The following LOC128706666 variants were observed in gnomAD, a reference collection of about 807,000 sequenced individuals.
chr20:10,414,617 A>T, the LOC128706666 span, among the ~76,000 whole-genome samples: 1 of 152,170 alleles, frequency 6.6e-6, no homozygotes, highest in South Asian at 2.1e-4. Context: ...CAACATGAAG[A>T]TTTAATATTA....
At chr20:10,428,836 T>A in the LOC128706666 span, among the ~76,000 whole-genome samples, 1 of 99,632 alleles carries the variant, frequency 1.0e-5, no homozygotes, top group Non-Finnish European at 2.3e-5. Flanking sequence ...AGAGCAAGAC[T>A]CCGTCTCAAT....
chr20:10,423,961 C>T, the LOC128706666 span, among the ~76,000 whole-genome samples: 2 of 151,696 alleles, frequency 1.3e-5, no homozygotes, highest in African/African-American at 2.4e-5. Flanking sequence ...CTCAAATTCT[C>T]CATATCTCAT....
At chr20:10,427,349 G>A in the LOC128706666 span, among the ~76,000 whole-genome samples, 4 of 152,084 alleles carry the variant, frequency 2.6e-5, no homozygotes, top group Non-Finnish European at 5.9e-5. Flanking sequence ...AATTGCTGTT[G>A]TGATTTGAAA....
chr20:10,414,474 A>C, the LOC128706666 span, among the ~76,000 whole-genome samples: 4 of 152,046 alleles, frequency 2.6e-5, no homozygotes, highest in African/African-American at 9.7e-5. Context: ...CATGTTTGCC[A>C]GGTTGGTCTC....
the LOC128706666 span, among the ~76,000 whole-genome samples, chr20:10,429,598 A>C: frequency 4.6e-5 from 7 of 152,320 alleles, no homozygotes; most frequent in African/African-American, 1.4e-4. Flanking sequence ...TCGTTAACAA[A>C]AAGCATCATC....
the LOC128706666 span, among the ~76,000 whole-genome samples, chr20:10,428,877 G>C: frequency 6.6e-6 from 1 of 152,014 alleles, no homozygotes; most frequent in Non-Finnish European, 1.5e-5. Flanking sequence ...CTCCTTGCCT[G>C]CTGTCAGAAG....
At chr20:10,420,996 T>C in the LOC128706666 span, among the ~76,000 whole-genome samples, 3 of 152,176 alleles carry the variant, frequency 2.0e-5, no homozygotes, top group Non-Finnish European at 2.9e-5. Context: ...TTGGCAACAA[T>C]TGCAAAGGAG....
chr20:10,415,200 G>C, the LOC128706666 span, among the ~76,000 whole-genome samples: 1 of 152,150 alleles, frequency 6.6e-6, no homozygotes, highest in Non-Finnish European at 1.5e-5. Flanking sequence ...TTGAGGCCGG[G>C]TGTTTTAAAG....
chr20:10,427,610 G>T, the LOC128706666 span, among the ~76,000 whole-genome samples: 1 of 152,176 alleles, frequency 6.6e-6, no homozygotes, highest in Non-Finnish European at 1.5e-5. Context: ...ACAGCAGTTT[G>T]AATTGTGGCA....
chr20:10,425,751 G>A, the LOC128706666 span, among the ~76,000 whole-genome samples: 1 of 152,188 alleles, frequency 6.6e-6, no homozygotes, highest in African/African-American at 2.4e-5. Flanking sequence ...AGTGTTTGAT[G>A]CTCATTTATT....
At chr20:10,430,296 A>G in the LOC128706666 span, among the ~76,000 whole-genome samples, 1 of 152,194 alleles carries the variant, frequency 6.6e-6, no homozygotes, top group Non-Finnish European at 1.5e-5. Flanking sequence ...TTACCACTTT[A>G]CAACTGGCTG....
the LOC128706666 span, among the ~76,000 whole-genome samples, chr20:10,431,324 A>G: frequency 6.6e-6 from 1 of 151,792 alleles, no homozygotes; most frequent in Non-Finnish European, 1.5e-5. Context: ...TTTAGGGATT[A>G]GCAATTTTCA....
the LOC128706666 span, among the ~76,000 whole-genome samples, chr20:10,427,160 T>C: frequency 2.0e-5 from 3 of 151,994 alleles, no homozygotes; most frequent in East Asian, 1.9e-4. Context: ...GATTATTCTA[T>C]CTAGCATAGT....
At chr20:10,430,981 G>A in the LOC128706666 span, among the ~76,000 whole-genome samples, 5 of 152,266 alleles carry the variant, frequency 3.3e-5, no homozygotes, top group African/African-American at 1.2e-4. Context: ...CCACAAATTA[G>A]TTATGGTCTT....
the LOC128706666 span, chr20:10,413,829 A>G: frequency 4.2e-6 from 2 of 471,700 alleles, no homozygotes; most frequent in Non-Finnish European, 7.5e-6. Context: ...ATGGACACCT[A>G]TGAAAGATAT....
At chr20:10,417,389 T>C in the LOC128706666 span, among the ~76,000 whole-genome samples, 3 of 152,192 alleles carry the variant, frequency 2.0e-5, no homozygotes, top group African/African-American at 4.8e-5. Context: ...GGCAGGAGGA[T>C]TGCTTGAGGC....
the LOC128706666 span, among the ~76,000 whole-genome samples, chr20:10,423,514 C>T: frequency 6.6e-6 from 1 of 152,094 alleles, no homozygotes; most frequent in Non-Finnish European, 1.5e-5. Flanking sequence ...AAATTAGGAA[C>T]AAATTAAATG....
chr20:10,427,147 T>C, the LOC128706666 span, among the ~76,000 whole-genome samples: 1 of 151,284 alleles, frequency 6.6e-6, no homozygotes, highest in Non-Finnish European at 1.5e-5. Flanking sequence ...GATCTAGCCA[T>C]CAGATTATTC....
At chr20:10,422,427 G>C in the LOC128706666 span, among the ~76,000 whole-genome samples, 10 of 152,090 alleles carry the variant, frequency 6.6e-5, no homozygotes, top group African/African-American at 2.4e-4. Flanking sequence ...ATTTCATTGT[G>C]AAGTCCAAAG....
Sources: allele counts gnomAD v4.1 joint callset (sites outside exome capture counted in the v4.1 genomes callset), GRCh38; gene constraint gnomAD v4.1.1; transcripts MANE v1.5.